COL27A1: variants seen among roughly 807,000 people sequenced by gnomAD.
The protein encoded by COL27A1 is collagen alpha-1(XXVII) chain.
COL27A1 carries 106 observed loss-of-function variants against 251.3 expected under a neutral mutation model. The ratio of observed to expected loss-of-function variants is 0.42; its 90% CI spans 0.36 to 0.50. COL27A1 has a LOEUF of 0.50. Among genes scored for constraint, COL27A1 ranks in the 20% least tolerant of loss-of-function variants. The probability of loss-of-function intolerance (pLI) is 0.00; values close to 1 mark genes in which losing one functional copy is unlikely to be tolerated. For synonymous variants in COL27A1, 1,000 were observed against 986.3 expected (o/e 1.01, Z -0.26); for missense variants, 2,325 against 2,522.8 (o/e 0.92, Z 1.68).
chr9:114,162,508 G>C (rs1848567340), intron 1 of COL27A1, among the ~76,000 whole-genome samples: 1 of 152,124 alleles, frequency 6.6e-6, no homozygotes, highest in African/African-American at 2.4e-5. Flanking sequence ...TATATAAGCA[G>C]GTCCTCACTG....
chr9:114,234,652 C>T (rs1019672605), intron 16 of COL27A1, among the ~76,000 whole-genome samples: 1 of 152,150 alleles, frequency 6.6e-6, no homozygotes, highest in Non-Finnish European at 1.5e-5. Flanking sequence ...TGTCACGAAG[C>T]CTGTGCAGTA....
chr9:114,192,921 G>A (rs534133604), intron 5 of COL27A1, among the ~76,000 whole-genome samples: 3 of 152,298 alleles, frequency 2.0e-5, no homozygotes, highest in African/African-American at 7.2e-5. Flanking sequence ...ATTAATTAAA[G>A]TTGCCCAAAC....
chr9:114,255,341 T>TG (rs1356154736), intron 27 of COL27A1, among the ~76,000 whole-genome samples: 2 of 137,484 alleles, frequency 1.5e-5, no homozygotes, highest in Non-Finnish European at 2.9e-5. Context: ...GCCCTCAGCA[T>TG]GGGGGGTGCC....
rs201169462 is a variant in COL27A1 at position 114,169,377 on chromosome 9, G to A, written c.1822G>A (p.Gly608Ser). Reference sequence around the variant, plus strand: ...CTCCAGCCCCCGGCCCACGAGCAGTGGCTATTCGATCTTCCACCTGGCAGG... The same window carrying A: ...CTCCAGCCCCCGGCCCACGAGCAGTAGCTATTCGATCTTCCACCTGGCAGG... Reference protein sequence around the residue: ...LSSSPRPTSSGYSIFHLAGST... With the variant: ...LSSSPRPTSSSYSIFHLAGST... Residue 608 changes from glycine to serine, a missense_variant, in exon 3 of 61, where the codon GGC becomes AGC. Gly to Ser is a moderately conservative substitution (Grantham distance 56, BLOSUM62 0). Transcript: ENST00000356083. 6.2e-7 allele frequency: 1 copy of A among 1,611,104 alleles called. No individual in the cohort carries two copies.
chr9:114,175,534 A>G (rs927806764), intron 3 of COL27A1, among the ~76,000 whole-genome samples: 2 of 152,178 alleles, frequency 1.3e-5, no homozygotes, highest in African/African-American at 4.8e-5. Flanking sequence ...TTGAAGGTGG[A>G]GTGAAGGGAT....
At chr9:114,204,902 G>A (rs1188105825) in intron 7 of COL27A1, among the ~76,000 whole-genome samples, 200 bp from the exon 8 acceptor site, 2 of 152,164 alleles carry the variant, frequency 1.3e-5, no homozygotes, top group Non-Finnish European at 2.9e-5. Context: ...GAACCACTGG[G>A]AGCAGAGAGA....
chr9:114,275,786 T>C lies in COL27A1; in HGVS notation c.3717+18T>C. The C allele has an allele frequency of 6.7e-7, 1 of 1,491,380 alleles. No individual in the cohort carries two copies. Among genetic ancestry groups the C allele is most frequent in the Non-Finnish European group, 9.1e-7 (1 of 1,099,978 alleles). 92.4% of individuals were successfully genotyped at this position (1,491,380 alleles called of 1,614,324 possible). A position where few individuals can be genotyped will look rare whatever the true frequency, so the allele number is the denominator to read the frequency against. On this transcript the variant is annotated intron_variant, in intron 37 of 60. Coordinates refer to ENST00000356083, the MANE Select transcript of COL27A1 (RefSeq NM_032888.4). ...GTGTCCGGGTGAGTGTGCAGGCCCCTTGCAGCGCCTGGAGCTCTGGGGTAC... is the reference window on the plus strand; with the variant it reads ...GTGTCCGGGTGAGTGTGCAGGCCCCCTGCAGCGCCTGGAGCTCTGGGGTAC...
chr9:114,280,058 G>A (rs752876894), intron 37 of COL27A1, among the ~76,000 whole-genome samples: 11 of 152,008 alleles, frequency 7.2e-5, no homozygotes, highest in Admixed American at 1.3e-4. Context: ...TACCTGATCC[G>A]TGTTTAGATT....
intron 7 of COL27A1, among the ~76,000 whole-genome samples, chr9:114,201,031 A>G (rs1425636569): frequency 6.6e-6 from 1 of 152,222 alleles, no homozygotes; most frequent in Non-Finnish European, 1.5e-5. Flanking sequence ...CAGCCCAGCC[A>G]GACGGGGAGA....
In COL27A1 at chr9:114,250,774, A is replaced by C. The variant is rs77257665; in HGVS notation, c.3033+106A>C. The C allele has an allele frequency of 7.6e-4, 733 of 961,226 alleles. 5 individuals are homozygous for C. The East Asian group carries it at 0.017, about 22-fold the overall frequency. 59.5% of individuals were successfully genotyped at this position (961,226 alleles called of 1,614,324 possible). ...TGGGGATTTCAGAATACCCTCCCCT[A>C]GCCTCTCTCCTGACCTGGCATTCTG... On this transcript the variant is annotated intron_variant, in intron 25 of 60. Transcript: ENST00000356083.
At chr9:114,207,177 G>A (rs1588660496) in intron 10 of COL27A1, among the ~76,000 whole-genome samples, 1 of 152,212 alleles carries the variant, frequency 6.6e-6, no homozygotes, top group Admixed American at 6.5e-5. Context: ...GACAGATCAC[G>A]TATCCTTTGC....
chr9:114,255,247 G>C (rs1833842210), intron 27 of COL27A1, among the ~76,000 whole-genome samples: 1 of 152,176 alleles, frequency 6.6e-6, no homozygotes, highest in Non-Finnish European at 1.5e-5. Context: ...TCTGGTCAGG[G>C]GGCTAGCACG....
chr9:114,248,130 G>A (rs571156895), intron 24 of COL27A1, among the ~76,000 whole-genome samples: 4 of 152,170 alleles, frequency 2.6e-5, no homozygotes, highest in African/African-American at 7.2e-5. Flanking sequence ...TTGACCCTGA[G>A]GTCTGCTGGG....
Position 114,289,257 on chromosome 9 carries a change from CG to C in COL27A1, c.4173del (p.Trp1392GlyfsTer175). 1 of 1,594,356 alleles carries C rather than the reference CG, an allele frequency of 6.3e-7. No individual in the cohort carries two copies. The highest frequency in any genetic ancestry group is 8.5e-7 in the Non-Finnish European group (1 of 1,171,988). Reference sequence around the variant, plus strand: ...TGGTTTGCAGGGGCATCCGGGACCCCGGGGGTGGCCGGGACCCAAAGGATCG... The same window carrying C: ...TGGTTTGCAGGGGCATCCGGGACCCCGGGGTGGCCGGGACCCAAAGGATCG... ...QQGQPGHPGP[R>X]GWPGPKGSKG... is the part of the protein sequence containing the mutation. On this transcript the variant is annotated frameshift_variant, in exon 45 of 61. Transcript: ENST00000356083. LOFTEE classifies it high-confidence loss of function.
In COL27A1 at chr9:114,169,209, C is replaced by T. The variant is rs199557870; in HGVS notation, c.1654C>T (p.Arg552Trp). Reference sequence around the variant, plus strand: ...GAAAGCCGGACCCAAGAGCAGCCCCCGGAAGCCTGTCCCCCTCAGACCTGG... The same window carrying T: ...GAAAGCCGGACCCAAGAGCAGCCCCTGGAAGCCTGTCCCCCTCAGACCTGG... ...SKKAGPKSSP[R>W]KPVPLRPGKA... Residue 552 changes from arginine to tryptophan, a missense_variant, in exon 3 of 61, where the codon CGG (arginine) becomes TGG (tryptophan). This residue lies in a region of COL27A1 where 1,183 missense variants were observed against 1,144.1 expected (regional missense o/e 1.03). Coordinates refer to ENST00000356083, the MANE Select transcript of COL27A1 (RefSeq NM_032888.4). The T allele has an allele frequency of 3.1e-5, 50 of 1,613,990 alleles. No individual in the cohort carries two copies. Among genetic ancestry groups the T allele is most frequent in the East Asian group, 1.3e-4 (6 of 44,884 alleles).
intron 12 of COL27A1, among the ~76,000 whole-genome samples, chr9:114,213,371 T>G (rs1022974820): frequency 3.9e-5 from 6 of 152,180 alleles, no homozygotes; most frequent in African/African-American, 1.4e-4. Flanking sequence ...GTGTTCTTCT[T>G]GGAGCACAAA....
chr9:114,168,693 G>T lies in COL27A1; in HGVS notation c.1138G>T (p.Val380Leu), dbSNP rs74555892. ...TKPSAPSTSI[V>L]PIKSPHPTQK... ...GCCTTCGGCCCCTTCTACTTCAATT[G>T]TGCCCATCAAAAGCCCCCATCCTAC... Residue 380 changes from valine (V) to leucine (L), a missense_variant, in exon 3 of 61, where the codon GTG becomes TTG. Physicochemically the swap from Val to Leu is conservative, Grantham distance 32. Around this residue, in one of 4 missense-constraint regions of COL27A1, gnomAD observed 1,183 missense variants for 1,144.1 expected, o/e 1.03. Coordinates refer to ENST00000356083, the MANE Select transcript of COL27A1 (RefSeq NM_032888.4). The T allele has an allele frequency of 6.2e-7, 1 of 1,613,982 alleles. No individual in the cohort carries two copies. The highest frequency in any genetic ancestry group is 8.5e-7 in the Non-Finnish European group (1 of 1,180,002).
intron 27 of COL27A1, among the ~76,000 whole-genome samples, chr9:114,253,737 G>A (rs556322184): frequency 1.6e-4 from 24 of 152,326 alleles, no homozygotes; most frequent in Admixed American, 6.5e-4. Context: ...TAGTGTGATC[G>A]TGTGGGTTAA....
intron 2 of COL27A1, among the ~76,000 whole-genome samples, chr9:114,166,476 C>CATCCATCCATCCATCCATCT (rs1376139938): frequency 6.6e-6 from 1 of 152,166 alleles, no homozygotes; most frequent in African/African-American, 2.4e-5. Context: ...TCCATCCATC[C>CATCCATCCATCCATCCATCT]ATCCATCTCC....
Sources: allele counts gnomAD v4.1 joint callset (sites outside exome capture counted in the v4.1 genomes callset), GRCh38; gene constraint gnomAD v4.1.1; regional missense constraint gnomAD v4.1.1; transcripts MANE v1.5; gene names NCBI Gene and HGNC (gene_info 2026-07-23, HGNC 2026-07-21).